SDC1: variants seen among roughly 807,000 people sequenced by gnomAD.
The protein encoded by SDC1 is syndecan 1, also known as syndecan-1.
A neutral mutation model predicts 29.7 loss-of-function variants in SDC1; 14 were observed. The observed-to-expected ratio is 0.47, with a 90% CI of 0.31 to 0.74. The LOEUF (loss-of-function observed/expected upper bound fraction) is 0.74. Among genes scored for constraint, SDC1 ranks in the 30% least tolerant of loss-of-function variants. The probability of loss-of-function intolerance (pLI) is 0.05; values close to 1 mark genes in which losing one functional copy is unlikely to be tolerated. For synonymous variants in SDC1, 204 were observed against 175.5 expected, an observed-to-expected ratio of 1.16 and a Z score of -1.29; for missense variants, 406 against 400.3, an observed-to-expected ratio of 1.01 and a Z score of -0.12.
rs1677912557 is a variant in SDC1, at chr2:20,224,109, C to T, written c.66+693G>A. 1 of 412,504 alleles carries T rather than the reference C, an allele frequency of 2.4e-6. No homozygotes were observed. The highest frequency in any genetic ancestry group is 2.5e-5 in the Admixed American group (1 of 39,228). The allele number at this position is 412,504 out of a possible 1,614,324, so 25.6% of individuals were successfully genotyped here. On this transcript the variant is annotated intron_variant, in intron 1 of 4. Coordinates refer to ENST00000254351, the MANE Select transcript of SDC1 (RefSeq NM_002997.5). This position sits in a 1 kb window ranked among gnomAD's most constrained non-coding sequence, Gnocchi z 4.9. ...CCGGGGCCAGCTCAACTTCAGCAGC[C>T]CAGAAGTTGGGCTCCTCCGGGTCTC...
Position 20,224,714 on chromosome 2 carries a change from CT to C in SDC1, c.66+87del. On this transcript the variant is annotated intron_variant, in intron 1 of 4. Transcript: ENST00000254351. The surrounding 1 kb of genome is among the most constrained non-coding windows in gnomAD (Gnocchi z 4.9). Reference sequence around the variant, plus strand: ...GGAAGAAGGGAAGTCTTCGCTCCCCCTCCCCCTCCACGTGCACCCGCCGGCA... The same window carrying C: ...GGAAGAAGGGAAGTCTTCGCTCCCCCCCCCCTCCACGTGCACCCGCCGGCA... 5 of 1,217,182 alleles carry C rather than the reference CT, an allele frequency of 4.1e-6. No individual in the cohort carries two copies. The highest frequency in any genetic ancestry group is 6.0e-5 in the South Asian group (2 of 33,404). The allele number at this position is 1,217,182 out of a possible 1,614,324, so 75.4% of individuals were successfully genotyped here. A position where few individuals can be genotyped will look rare whatever the true frequency, so the allele number is the denominator to read the frequency against.
chr2:20,204,897 G>A (rs528577197), intron 2 of SDC1, among the ~76,000 whole-genome samples: 179 of 152,344 alleles, frequency 1.2e-3, no homozygotes, highest in African/African-American at 4.1e-3. Flanking sequence ...AAGTAAGGAA[G>A]GGAGCTTGGA....
chr2:20,213,457 C>T (rs112331326), intron 1 of SDC1, among the ~76,000 whole-genome samples: 3 of 152,288 alleles, frequency 2.0e-5, no homozygotes, highest in Admixed American at 6.5e-5. Context: ...CAAGGACACT[C>T]GATCACACTG....
At chr2:20,223,682 GC>G (rs1343524006) in intron 1 of SDC1, among the ~76,000 whole-genome samples, 1 of 152,234 alleles carries the variant, frequency 6.6e-6, no homozygotes, top group African/African-American at 2.4e-5. Context: ...CCAGGTCCCA[GC>G]CCCCGTCAAG....
chr2:20,204,815 TCC>T (rs1422239399), intron 2 of SDC1, among the ~76,000 whole-genome samples: 7 of 152,010 alleles, frequency 4.6e-5, no homozygotes, highest in African/African-American at 1.7e-4. Flanking sequence ...AAGAGCCACC[TCC>T]TCTGTGAAGC....
At chr2:20,210,622 G>A (rs995367855) in intron 1 of SDC1, among the ~76,000 whole-genome samples, 2 of 152,204 alleles carry the variant, frequency 1.3e-5, no homozygotes, top group South Asian at 2.1e-4. Context: ...GTGTGGCCAC[G>A]AAATCCCCGG....
Position 20,203,219 on chromosome 2 carries a change from A to T in SDC1, c.631T>A (p.Phe211Ile). The T allele has an allele frequency of 2.5e-6, 4 of 1,604,788 alleles. No homozygotes were observed. The highest frequency in any genetic ancestry group is 3.4e-6 in the Non-Finnish European group (4 of 1,173,384). The stretch of plus-strand genomic sequence containing the variant: ...TTCTCCCCCGAGGTTTCAAAGGTGA[A>T]GTCCTGTGGGAGGGCAGGGGCAGAT... The part of the protein sequence containing the change: ...PAAEGSGEQD[F>I]TFETSGENTA... The change falls in exon 4 of 5, where the codon TTC becomes ATC. Residue 211 changes from phenylalanine (F) to isoleucine (I), a missense_variant. Phe to Ile is a conservative substitution (Grantham distance 21, BLOSUM62 0). Coordinates refer to ENST00000254351, the MANE Select transcript of SDC1 (RefSeq NM_002997.5).
chr2:20,223,146 G>T, intron 1 of SDC1: 1 of 810,236 alleles, frequency 1.2e-6, no homozygotes, highest in Non-Finnish European at 1.8e-6. Context: ...CCCATTCACA[G>T]TTCAATAGGC....
Position 20,203,814 on chromosome 2 carries a change from T to C in SDC1, c.626A>G (p.Gln209Arg), listed in dbSNP as rs771465948. 4.4e-6 allele frequency: 7 copies of C among 1,576,036 alleles called. No homozygotes were observed. The South Asian group carries it at 7.9e-5, about 18-fold the overall frequency. Residue 209 changes from glutamine to arginine, a missense_variant and splice_region_variant, in exon 3 of 5, where the codon CAG becomes CGG. Transcript: ENST00000254351. Reference protein sequence around the residue: ...QLPAAEGSGEQDFTFETSGEN... With the variant: ...QLPAAEGSGERDFTFETSGEN... ...CCAAGGAATGCAGAGGCCACTCACCTGCTCCCCAGAGCCCTCTGCTGCTGG... is the reference window on the plus strand; with the variant it reads ...CCAAGGAATGCAGAGGCCACTCACCCGCTCCCCAGAGCCCTCTGCTGCTGG...
intron 2 of SDC1, 32 bp from the exon 3 acceptor site, chr2:20,204,323 G>T: frequency 6.8e-7 from 1 of 1,467,820 alleles, no homozygotes. Flanking sequence ...GTGTTGGGGA[G>T]GTGGGGGGTG....
Position 20,204,288 on chromosome 2 carries a change from G to A in SDC1, c.152C>T (p.Ala51Val), listed in dbSNP as rs1677168964. The change falls in exon 3 of 5, where the codon GCT (alanine) becomes GTT (valine). Residue 51 changes from alanine (A) to valine (V), a missense_variant. Physicochemically the swap from Ala to Val is moderately conservative, Grantham distance 64. Coordinates refer to ENST00000254351, the MANE Select transcript of SDC1 (RefSeq NM_002997.5). ...CTGTGACAAGGTGATATCTTGCAAAGCACCTGCAGGACCAGAAGCAGAGTG... is the reference window on the plus strand; with the variant it reads ...CTGTGACAAGGTGATATCTTGCAAAACACCTGCAGGACCAGAAGCAGAGTG... ...SDNFSGSGAG[A>V]LQDITLSQQT... 6.6e-7 allele frequency: 1 copy of A among 1,504,520 alleles called. No homozygotes were observed. The highest frequency in any genetic ancestry group is 8.9e-7 in the Non-Finnish European group (1 of 1,124,586). The allele number at this position is 1,504,520 out of a possible 1,614,324, so 93.2% of individuals were successfully genotyped here. A position where few individuals can be genotyped will look rare whatever the true frequency, so the allele number is the denominator to read the frequency against.
chr2:20,208,721 G>A (rs1015699977), intron 1 of SDC1, among the ~76,000 whole-genome samples: 2 of 152,154 alleles, frequency 1.3e-5, no homozygotes, highest in African/African-American at 2.4e-5. Flanking sequence ...GGGTGCTTCC[G>A]AGGCTGCCTG....
chr2:20,208,168 C>T (rs1677342333), intron 1 of SDC1: 1 of 968,622 alleles, frequency 1.0e-6, no homozygotes. Flanking sequence ...ACACTGGGGC[C>T]CATGTACAAC....
chr2:20,223,976 C>T (rs1216478617), intron 1 of SDC1, among the ~76,000 whole-genome samples: 3 of 152,316 alleles, frequency 2.0e-5, no homozygotes, highest in Non-Finnish European at 4.4e-5. Context: ...GCCTTCCCTC[C>T]GCGCGGCTTC....
intron 1 of SDC1, among the ~76,000 whole-genome samples, chr2:20,211,085 A>C (rs968490396): frequency 1.3e-5 from 2 of 152,064 alleles, no homozygotes; most frequent in African/African-American, 2.4e-5. Context: ...GCATCAAGAC[A>C]CCATACTGGC....
chr2:20,214,422 G>A (rs1403423534), intron 1 of SDC1, among the ~76,000 whole-genome samples: 1 of 152,198 alleles, frequency 6.6e-6, no homozygotes, highest in African/African-American at 2.4e-5. Flanking sequence ...ATGGGAGACA[G>A]AATTTTCTGT....
At chr2:20,208,620 G>A (rs192251686) in intron 1 of SDC1, among the ~76,000 whole-genome samples, 121 of 152,266 alleles carry the variant, frequency 7.9e-4, no homozygotes, top group African/African-American at 2.6e-3. Flanking sequence ...TGAGACTTTC[G>A]ATTTCCTTTA....
chr2:20,225,383 C>T (rs192854002), upstream of SDC1: 1 of 152,438 alleles, frequency 6.6e-6, no homozygotes, highest in Non-Finnish European at 1.5e-5. Flanking sequence ...AGGCGCACCC[C>T]CTTCTGCCCG....
chr2:20,211,949 G>A (rs1677479821), intron 1 of SDC1, among the ~76,000 whole-genome samples: 1 of 152,220 alleles, frequency 6.6e-6, no homozygotes, highest in Non-Finnish European at 1.5e-5. Flanking sequence ...CAGGAGCAAG[G>A]GTCTCTGGGA....
Sources: allele counts gnomAD v4.1 joint callset (sites outside exome capture counted in the v4.1 genomes callset), GRCh38; gene constraint gnomAD v4.1.1; non-coding constraint Gnocchi (gnomAD v3.1); transcripts MANE v1.5; gene names NCBI Gene and HGNC (gene_info 2026-07-23, HGNC 2026-07-21).